The following KLHL1 variants were observed in gnomAD, a reference collection of about 807,000 sequenced individuals.
KLHL1 encodes the protein kelch like family member 1.
In KLHL1, 47 loss-of-function variants were observed where a neutral mutation model predicts 77.7. The ratio of observed to expected loss-of-function variants is 0.60; its 90% CI spans 0.48 to 0.77. The LOEUF (loss-of-function observed/expected upper bound fraction) is 0.77, where lower values mean the gene tolerates loss of function less well. Among genes scored for constraint, KLHL1 ranks in the 30% least tolerant of loss-of-function variants. KLHL1 has a pLI of 0.00. For synonymous variants in KLHL1, 360 were observed against 325.2 expected (o/e 1.11, Z -1.15); for missense variants, 925 against 910.8 (o/e 1.02, Z -0.20).
chr13:70,078,267 C>A (rs1028748570), intron 1 of KLHL1, among the ~76,000 whole-genome samples: 2 of 151,502 alleles, frequency 1.3e-5, no homozygotes, highest in Admixed American at 6.6e-5. Flanking sequence ...CATTCACAGT[C>A]AGAAAAGGAG....
chr13:69,956,084 T>A (rs1027084532), intron 3 of KLHL1, among the ~76,000 whole-genome samples: 51 of 118,314 alleles, frequency 4.3e-4, no homozygotes, highest in African/African-American at 1.5e-3. Flanking sequence ...ATATATATAT[T>A]TTTATATATT....
At chr13:69,916,828 T>C (rs560735065) in intron 4 of KLHL1, among the ~76,000 whole-genome samples, 12 of 152,128 alleles carry the variant, frequency 7.9e-5, no homozygotes, top group South Asian at 2.1e-4. Context: ...TAAATATAAT[T>C]GGTAAATTTC....
At chr13:70,071,766 A>G (rs1407714238) in intron 1 of KLHL1, among the ~76,000 whole-genome samples, 2 of 152,116 alleles carry the variant, frequency 1.3e-5, no homozygotes, top group African/African-American at 4.8e-5. Context: ...AAACCTAAAA[A>G]TATTTTGGGC....
chr13:69,940,215 T>C lies in KLHL1; in HGVS notation c.839A>G (p.Asp280Gly). 3 of 1,607,714 alleles carry C rather than the reference T, an allele frequency of 1.9e-6. No homozygotes were observed. Among genetic ancestry groups the C allele is most frequent in the Non-Finnish European group, 2.5e-6 (3 of 1,178,022 alleles). Reference sequence around the variant, plus strand: ...TGCAGCAAGAAGGTTCTCAATGGTGTCCTCTTTTAATTCCAAGCAGCCTAA... The same window carrying C: ...TGCAGCAAGAAGGTTCTCAATGGTGCCCTCTTTTAATTCCAAGCAGCCTAA... ...AYTGCLELKEDTIENLLAAAC... is the reference protein window; with the variant it reads ...AYTGCLELKEGTIENLLAAAC... Residue 280 changes from aspartate (D) to glycine (G), a missense_variant, in exon 4 of 11, where the codon GAC (aspartate) becomes GGC (glycine). Coordinates refer to ENST00000377844, the MANE Select transcript of KLHL1 (RefSeq NM_020866.3).
At chr13:69,957,841 C>CA (rs1413052749) in intron 3 of KLHL1, among the ~76,000 whole-genome samples, 42 of 151,762 alleles carry the variant, frequency 2.8e-4, no homozygotes, top group Middle Eastern at 3.4e-3. Context: ...ATTGAAATTG[C>CA]TTATACTGCT....
chr13:69,770,579 T>C (rs1187283504), intron 7 of KLHL1, among the ~76,000 whole-genome samples: 1 of 152,164 alleles, frequency 6.6e-6, no homozygotes, highest in Non-Finnish European at 1.5e-5. Context: ...CCTCAGGCAA[T>C]CCTCCTGCCT....
chr13:69,701,584 C>T lies in KLHL1; in HGVS notation c.*118G>A, dbSNP rs866282870. Reference sequence around the variant, plus strand: ...TAACTCTTTCAACATCAGTAGGTAACGCTACAGAGATCCTTGTTCTTGAAG... The same window carrying T: ...TAACTCTTTCAACATCAGTAGGTAATGCTACAGAGATCCTTGTTCTTGAAG... On this transcript the variant is annotated 3_prime_UTR_variant, in exon 11 of 11. Coordinates refer to ENST00000377844, the MANE Select transcript of KLHL1 (RefSeq NM_020866.3). The T allele has an allele frequency of 1.3e-4, 94 of 697,748 alleles. No individual in the cohort carries two copies. The highest frequency in any genetic ancestry group is 9.7e-4 in the South Asian group (56 of 57,750). 43.2% of individuals were successfully genotyped at this position (697,748 alleles called of 1,614,324 possible).
intron 7 of KLHL1, among the ~76,000 whole-genome samples, chr13:69,772,909 T>C (rs112619831): frequency 1.1e-4 from 16 of 152,078 alleles, no homozygotes; most frequent in African/African-American, 2.2e-4. Flanking sequence ...ATTCAAGAGA[T>C]AGAGTTTTTT....
At chr13:69,752,961 A>G (rs535609834) in intron 7 of KLHL1, among the ~76,000 whole-genome samples, 1 of 152,280 alleles carries the variant, frequency 6.6e-6, no homozygotes, top group East Asian at 1.9e-4. Flanking sequence ...GCATGGTGGA[A>G]TTACTAATGC....
intron 6 of KLHL1, among the ~76,000 whole-genome samples, chr13:69,818,370 GC>G (rs1436881376): frequency 6.6e-6 from 1 of 151,726 alleles, no homozygotes; most frequent in African/African-American, 2.4e-5. Flanking sequence ...ACAGGTGGGT[GC>G]CACCACACCC....
chr13:69,885,142 G>A (rs112721538), intron 4 of KLHL1, among the ~76,000 whole-genome samples: 1 of 135,916 alleles, frequency 7.4e-6, no homozygotes, highest in South Asian at 2.2e-4. Flanking sequence ...GGGTTTCACC[G>A]TGTTAGCCAG....
At chr13:69,919,024 G>A (rs1359183396) in intron 4 of KLHL1, among the ~76,000 whole-genome samples, 2 of 152,086 alleles carry the variant, frequency 1.3e-5, no homozygotes, top group Non-Finnish European at 2.9e-5. Flanking sequence ...AAGTGATTTT[G>A]TGTCCTGGTT....
intron 2 of KLHL1, among the ~76,000 whole-genome samples, chr13:69,967,848 G>A (rs1390774596): frequency 6.6e-6 from 1 of 150,456 alleles, no homozygotes; most frequent in Non-Finnish European, 1.5e-5. Flanking sequence ...TCGCACCACT[G>A]TGCCCCAGCC....
chr13:69,742,362 G>A (rs901218182), intron 7 of KLHL1, among the ~76,000 whole-genome samples: 2 of 152,056 alleles, frequency 1.3e-5, no homozygotes, highest in African/African-American at 4.8e-5. Context: ...CGGAAAAAAG[G>A]ACACTCAGTA....
chr13:70,000,414 C>T (rs1412960873), intron 1 of KLHL1, among the ~76,000 whole-genome samples: 1 of 151,806 alleles, frequency 6.6e-6, no homozygotes, highest in Non-Finnish European at 1.5e-5. Context: ...AAAGTTTCTT[C>T]CCAAAACTAA....
At chr13:69,841,804 T>C (rs1879271755) in intron 5 of KLHL1, among the ~76,000 whole-genome samples, 2 of 151,622 alleles carry the variant, frequency 1.3e-5, no homozygotes, top group African/African-American at 2.4e-5. Flanking sequence ...ATTACCTGAC[T>C]TAACCCAAGC....
intron 1 of KLHL1, among the ~76,000 whole-genome samples, chr13:70,016,641 T>C (rs1367230883): frequency 1.3e-5 from 2 of 152,020 alleles, no homozygotes; most frequent in Non-Finnish European, 2.9e-5. Flanking sequence ...AGGCTGAGAG[T>C]GGCTCAGCAC....
At chr13:69,792,881 G>T (rs1593837274) in intron 7 of KLHL1, among the ~76,000 whole-genome samples, 1 of 152,052 alleles carries the variant, frequency 6.6e-6, no homozygotes, top group African/African-American at 2.4e-5. Context: ...GAAAGACTGG[G>T]TTATTAAGAC....
At position 69,839,032 on chromosome 13, in the gene KLHL1, G is replaced by A. The variant is rs367977794; in HGVS notation, c.1358C>T (p.Pro453Leu). The change falls in exon 6 of 11, where the codon CCC (proline) becomes CTC (leucine). Residue 453 changes from proline (P) to leucine (L), a missense_variant. Coordinates refer to ENST00000377844, the MANE Select transcript of KLHL1 (RefSeq NM_020866.3). ...CAAAGTTCCGACTGTAGATTTTCTGGGTTTAGTTCTCGGACTTTGCATTAA... is the reference window on the plus strand; with the variant it reads ...CAAAGTTCCGACTGTAGATTTTCTGAGTTTAGTTCTCGGACTTTGCATTAA... ...RTLMQSPRTK[P>L]RKSTVGTLYA... 1.5e-4 allele frequency: 245 copies of A among 1,609,594 alleles called. No homozygotes were observed. The highest frequency in any genetic ancestry group is 2.0e-4 in the Non-Finnish European group (235 of 1,177,712).
Sources: allele counts gnomAD v4.1 joint callset (sites outside exome capture counted in the v4.1 genomes callset), GRCh38; gene constraint gnomAD v4.1.1; transcripts MANE v1.5; gene names NCBI Gene and HGNC (gene_info 2026-07-23, HGNC 2026-07-21).